The following C11orf58 variants were observed in gnomAD, a reference collection of about 807,000 sequenced individuals.
C11orf58 encodes chromosome 11 open reading frame 58.
In C11orf58, 5 loss-of-function variants were observed where a neutral mutation model predicts 22.7. The ratio of observed to expected loss-of-function variants is 0.22; its 90% CI spans 0.12 to 0.46. The LOEUF is 0.46. Among genes scored for constraint, C11orf58 ranks in the 20% least tolerant of loss-of-function variants. C11orf58 has a pLI of 0.99. For synonymous variants in C11orf58, 71 were observed against 70.7 expected, an observed-to-expected ratio of 1.00 and a Z score of -0.02; for missense variants, 151 against 223.3, an observed-to-expected ratio of 0.68 and a Z score of 2.06.
intron 2 of C11orf58, chr11:16,747,873 C>T (rs1450403749): frequency 7.6e-6 from 3 of 395,428 alleles, no homozygotes; most frequent in East Asian, 4.9e-5. Flanking sequence ...TTTAATCACA[C>T]TTAGTACTTT....
At chr11:16,754,306 G>A (rs140004130) in intron 4 of C11orf58, among the ~76,000 whole-genome samples, 1 of 151,664 alleles carries the variant, frequency 6.6e-6, no homozygotes, top group African/African-American at 2.4e-5. Context: ...ATAGGTGTGT[G>A]ATCTTCAGAG....
intron 2 of C11orf58, among the ~76,000 whole-genome samples, chr11:16,746,333 C>T (rs1464394535): frequency 6.6e-6 from 1 of 152,156 alleles, no homozygotes; most frequent in Non-Finnish European, 1.5e-5. Context: ...TGCAATTTCT[C>T]TTGTTTCATG....
At chr11:16,751,501 A>G (rs1223048850) in intron 3 of C11orf58, 1 of 24,520 alleles carries the variant, frequency 4.1e-5, no homozygotes, top group African/African-American at 1.1e-4. Context: ...GACTCCCTCG[A>G]AAAAAAAAAA....
At chr11:16,754,512 CT>C (rs111667450) in intron 4 of C11orf58, among the ~76,000 whole-genome samples, 21,793 of 58,414 alleles carry the variant, frequency 0.37, 2,572 homozygotes, top group East Asian at 0.55. Flanking sequence ...TTTCTTTTTT[CT>C]TTTTTTTTTT....
At chr11:16,753,927 T>C in intron 4 of C11orf58, 1 of 558,462 alleles carries the variant, frequency 1.8e-6, no homozygotes, top group South Asian at 2.3e-5. Flanking sequence ...TCAAAACTCC[T>C]GGGTTCAAGC....
At chr11:16,741,708 T>C (rs915274998) in intron 1 of C11orf58, among the ~76,000 whole-genome samples, 1 of 152,176 alleles carries the variant, frequency 6.6e-6, no homozygotes. Context: ...TTGATTCTTA[T>C]AAGAGCGTGA....
rs553200919 is a variant in C11orf58 at position 16,758,178 on chromosome 11, G to A, written c.*3074G>A. 2.0e-5 allele frequency among the ~76,000 whole-genome samples: 3 copies of A among 152,098 alleles called. No homozygotes were observed. The highest frequency in any genetic ancestry group is 4.4e-5 in the Non-Finnish European group (3 of 68,022). ...TTCCACCTCTGTAAGTCCTATCTAG[G>A]CTTCCTGATCTATCAATTCAGTATC... On this transcript the variant is annotated 3_prime_UTR_variant, in exon 5 of 5. Transcript: ENST00000228136.
Position 16,755,065 on chromosome 11 carries a change from C to T in C11orf58, c.513C>T (p.Ser171=). 1 of 1,614,108 alleles carries T rather than the reference C, an allele frequency of 6.2e-7. No homozygotes were observed. The highest frequency in any genetic ancestry group is 8.5e-7 in the Non-Finnish European group (1 of 1,180,004). ...CCAAAAACAAAAAAGATGCAAAAAG[C>T]AATTATAAAATGATGTTTGTTAAAT... is the stretch of plus-strand genomic sequence containing the variant. The part of the protein sequence containing the change: ...EDPKNKKDAK[S]NYKMMFVKSS... The change falls in exon 5 of 5, where the codon AGC becomes AGT. Residue 171 remains serine, a synonymous_variant. Coordinates refer to ENST00000228136, the MANE Select transcript of C11orf58 (RefSeq NM_014267.6).
In C11orf58 at chr11:16,757,224, AAGT is replaced by A. The variant is rs1848587649; in HGVS notation, c.*2123_*2125del. Reference sequence around the variant, plus strand: ...AATGTCTGTGGGATTGCTTATAACTAAGTAGAAAGTGAAGACTGATTTTTACTT... The same window carrying A: ...AATGTCTGTGGGATTGCTTATAACTAAGAAAGTGAAGACTGATTTTTACTT... On this transcript the variant is annotated 3_prime_UTR_variant, in exon 5 of 5. Transcript: ENST00000228136. Among the ~76,000 whole-genome samples the A allele has an allele frequency of 1.3e-5, 2 of 152,328 alleles. No homozygotes were observed. The highest frequency in any genetic ancestry group is 6.5e-5 in the Admixed American group (1 of 15,294).
At chr11:16,739,070 G>C (rs1053528577) in intron 1 of C11orf58, among the ~76,000 whole-genome samples, 2 of 152,066 alleles carry the variant, frequency 1.3e-5, no homozygotes, top group Non-Finnish European at 2.9e-5. Flanking sequence ...GGGGGATTGA[G>C]GAAGGAAATT....
Position 16,747,968 on chromosome 11 carries a change from G to C in C11orf58, c.148-129G>C, listed in dbSNP as rs1393227868. On this transcript the variant is annotated intron_variant, in intron 2 of 4. Transcript: ENST00000228136. ...CTAGAATGTAAGGTCCTTAAAGGCA[G>C]AGATTCTAATTTAATCTTTTGTCTT... 4.2e-6 allele frequency: 3 copies of C among 707,400 alleles called. No homozygotes were observed. The South Asian group carries it at 4.8e-5, about 11-fold the overall frequency. 43.8% of individuals were successfully genotyped at this position (707,400 alleles called of 1,614,324 possible).
intron 1 of C11orf58, 40 bp from the exon 2 acceptor site, chr11:16,744,555 CTTATTT>C (rs753300467): frequency 2.7e-6 from 4 of 1,504,074 alleles, no homozygotes; most frequent in South Asian, 1.1e-5. Context: ...TTTCGTAATA[CTTATTT>C]TTATGCAAAA....
intron 3 of C11orf58, chr11:16,749,038 T>A (rs888736583): frequency 6.6e-6 from 1 of 152,216 alleles, no homozygotes; most frequent in Non-Finnish European, 1.5e-5. Context: ...TAAATTTTGT[T>A]TTAAAATCTT....
At chr11:16,743,713 A>G (rs1848465724) in intron 1 of C11orf58, among the ~76,000 whole-genome samples, 2 of 152,228 alleles carry the variant, frequency 1.3e-5, no homozygotes, top group Admixed American at 1.3e-4. Context: ...GGACAATACA[A>G]TGAGAAAACT....
chr11:16,751,281 A>T (rs1848530556), intron 3 of C11orf58: 1 of 152,176 alleles, frequency 6.6e-6, no homozygotes, highest in South Asian at 2.1e-4. Context: ...CAGGCAGATC[A>T]CTCAAGGCCA....
rs192949123 is a variant in C11orf58, at chr11:16,753,365, G to A, written c.318+471G>A. Among the ~76,000 whole-genome samples the A allele has an allele frequency of 1.1e-4, 16 of 151,684 alleles. No homozygotes were observed. In the South Asian group the frequency reaches 1.7e-3, roughly 16 times the overall value. On this transcript the variant is annotated intron_variant, in intron 4 of 4. Coordinates refer to ENST00000228136, the MANE Select transcript of C11orf58 (RefSeq NM_014267.6). The stretch of plus-strand genomic sequence containing the variant: ...ATTACAGGTGTGAGCCACCATACCC[G>A]GCCTTTTATTTTTCTTTTGGAGACA...
intron 1 of C11orf58, among the ~76,000 whole-genome samples, chr11:16,743,106 C>G (rs1457424447): frequency 1.3e-5 from 2 of 152,178 alleles, no homozygotes; most frequent in African/African-American, 4.8e-5. Flanking sequence ...GTCATCCTTG[C>G]TCCATAATTG....
At chr11:16,754,735 C>G in intron 4 of C11orf58, 136 bp from the exon 5 acceptor site, 1 of 1,400,912 alleles carries the variant, frequency 7.1e-7, no homozygotes, top group Non-Finnish European at 9.6e-7. Context: ...TCTTAAAATT[C>G]TACTCAAGTC....
At chr11:16,753,088 G>A (rs1454210170) in intron 4 of C11orf58, among the ~76,000 whole-genome samples, 194 bp downstream of exon 4, 1 of 152,072 alleles carries the variant, frequency 6.6e-6, no homozygotes, top group Non-Finnish European at 1.5e-5. Flanking sequence ...GATTTTGTGT[G>A]GGGTTGTTTT....
Sources: allele counts gnomAD v4.1 joint callset (sites outside exome capture counted in the v4.1 genomes callset), GRCh38; gene constraint gnomAD v4.1.1; transcripts MANE v1.5; gene names NCBI Gene and HGNC (gene_info 2026-07-23, HGNC 2026-07-21).